Variants in RAD54B observed in about 807,000 individuals in gnomAD.
RAD54B encodes the protein DNA repair and recombination protein RAD54B.
RAD54B carries 78 observed loss-of-function variants against 95.8 expected under a neutral mutation model. That is an observed-to-expected ratio of 0.81 (90% confidence interval 0.68 to 0.98). The LOEUF is 0.98. RAD54B is among the 50% of genes least tolerant of loss of function. RAD54B has a pLI of 0.00. For synonymous variants in RAD54B, 328 were observed against 354.9 expected (o/e 0.92, Z 0.85); for missense variants, 957 against 1,056.6 (o/e 0.91, Z 1.31).
intron 13 of RAD54B, 26 bp downstream of exon 13, chr8:94,378,542 T>C: frequency 6.4e-7 from 1 of 1,559,818 alleles, no homozygotes; most frequent in Non-Finnish European, 8.7e-7. Context: ...AGAGTATACA[T>C]TTTTGTCACA....
chr8:94,432,535 GT>G, intron 3 of RAD54B: 2 of 1,550,540 alleles, frequency 1.3e-6, no homozygotes, highest in East Asian at 4.9e-5. Flanking sequence ...TTTAAAACCA[GT>G]GGAGGAGGTG....
chr8:94,432,983 C>T (rs1033602841), intron 3 of RAD54B, among the ~76,000 whole-genome samples: 1 of 152,094 alleles, frequency 6.6e-6, no homozygotes, highest in Non-Finnish European at 1.5e-5. Flanking sequence ...ATCTTTCCCA[C>T]AACCCTAAGG....
In RAD54B at chr8:94,421,322, C is replaced by CT. The variant is rs1397616265; in HGVS notation, c.305-10008dup. Among the ~76,000 whole-genome samples the CT allele has an allele frequency of 3.3e-5, 5 of 152,262 alleles. No homozygotes were observed. In the East Asian group the frequency reaches 9.7e-4, roughly 29 times the overall value. On this transcript the variant is annotated intron_variant, in intron 3 of 14. Transcript: ENST00000336148. ...CATCCTTCAAATTTTCCTCTTACCT[C>CT]TTTGCTTGCTTCTTCTTAGACATCT...
chr8:94,436,632 GGCATA>G, intron 3 of RAD54B: 1 of 1,550,460 alleles, frequency 6.4e-7, no homozygotes, highest in Non-Finnish European at 8.7e-7. Context: ...GCTCCTGTTT[GGCATA>G]TTCTTTGAGC....
chr8:94,466,420 T>G (rs183420082), intron 2 of RAD54B, among the ~76,000 whole-genome samples: 37,407 of 150,772 alleles, frequency 0.25, 5,385 homozygotes, highest in East Asian at 0.42. Context: ...TTTTTTTTTT[T>G]TGGGGGGGAC....
At chr8:94,421,072 CCA>C (rs779444391) in intron 3 of RAD54B, among the ~76,000 whole-genome samples, 41 of 152,134 alleles carry the variant, frequency 2.7e-4, no homozygotes, top group Non-Finnish European at 5.4e-4. Flanking sequence ...ACTCCCACCC[CCA>C]CACTGCCTCT....
chr8:94,439,248 G>A (rs1812339955), intron 3 of RAD54B, among the ~76,000 whole-genome samples: 1 of 152,088 alleles, frequency 6.6e-6, no homozygotes, highest in Non-Finnish European at 1.5e-5. Flanking sequence ...CTAAAATTGT[G>A]GTAATTTTAT....
At chr8:94,408,745 G>A (rs1185464388) in intron 4 of RAD54B, among the ~76,000 whole-genome samples, 1 of 152,056 alleles carries the variant, frequency 6.6e-6, no homozygotes, top group African/African-American at 2.4e-5. Context: ...ATCAGTATTG[G>A]TCTTCACTTA....
intron 3 of RAD54B, among the ~76,000 whole-genome samples, chr8:94,438,630 G>A (rs548156884): frequency 2.0e-5 from 3 of 152,162 alleles, no homozygotes; most frequent in African/African-American, 2.4e-5. Flanking sequence ...ACAGAACACA[G>A]GGTATATACT....
chr8:94,380,335 G>T lies in RAD54B; in HGVS notation c.2057C>A (p.Ala686Asp). The T allele has an allele frequency of 6.2e-7, 1 of 1,613,966 alleles. No homozygotes were observed. Among genetic ancestry groups the T allele is most frequent in the Non-Finnish European group, 8.5e-7 (1 of 1,179,894 alleles). The change falls in exon 12 of 15, where the codon GCT becomes GAT. Residue 686 changes from alanine to aspartate, a missense_variant. Coordinates refer to ENST00000336148, the MANE Select transcript of RAD54B (RefSeq NM_012415.3). ...LQEVCKRHGY[A>D]YTRLDGQTPI... ...TGTTTGTCCATCAAGTCTTGTATAA[G>T]CATATCCATGACGCTTACATACTTC...
intron 1 of RAD54B, among the ~76,000 whole-genome samples, chr8:94,470,862 TACACCCAC>T (rs1813154321): frequency 6.6e-6 from 1 of 152,090 alleles, no homozygotes; most frequent in Non-Finnish European, 1.5e-5. Flanking sequence ...TAAATTATGG[TACACCCAC>T]ACAACAGAAC....
In RAD54B at chr8:94,473,700, A is replaced by G. The variant is rs1002256056; in HGVS notation, c.-17+1301T>C. On this transcript the variant is annotated intron_variant, in intron 1 of 14. Transcript: ENST00000336148. Reference sequence around the variant, plus strand: ...CTGGGCTTTAAAGAGAGGTATGTGCAACCATCAAACGTCGAGGATGCAAGA... The same window carrying G: ...CTGGGCTTTAAAGAGAGGTATGTGCGACCATCAAACGTCGAGGATGCAAGA... Among the ~76,000 whole-genome samples, 7 of 152,234 alleles carry G rather than the reference A, an allele frequency of 4.6e-5. 1 individual carries two copies. Among genetic ancestry groups the G allele is most frequent in the African/African-American group, 1.7e-4 (7 of 41,458 alleles).
At chr8:94,441,741 G>A (rs1313882908) in intron 3 of RAD54B, among the ~76,000 whole-genome samples, 4 of 152,126 alleles carry the variant, frequency 2.6e-5, no homozygotes, top group Non-Finnish European at 5.9e-5. Flanking sequence ...ACTCTCTAAT[G>A]GTGCCTTGGT....
At chr8:94,465,540 A>G (rs1172222946) in intron 2 of RAD54B, among the ~76,000 whole-genome samples, 3 of 152,240 alleles carry the variant, frequency 2.0e-5, no homozygotes, top group Non-Finnish European at 4.4e-5. Context: ...TGTAGATACT[A>G]CAACCATCAC....
chr8:94,380,517 A>C (rs1332074567), intron 11 of RAD54B, 111 bp from the exon 12 acceptor site: 2 of 1,070,638 alleles, frequency 1.9e-6, no homozygotes, highest in Non-Finnish European at 2.6e-6. Context: ...GAGAACATGC[A>C]ACAATGACCT....
At chr8:94,431,302 G>C in intron 3 of RAD54B, 1 of 977,280 alleles carries the variant, frequency 1.0e-6, no homozygotes, top group Non-Finnish European at 1.2e-6. Context: ...AAATCACACA[G>C]CCAAAATATA....
intron 14 of RAD54B, chr8:94,372,938 A>C (rs1233933144): frequency 6.5e-6 from 1 of 152,756 alleles, no homozygotes; most frequent in Non-Finnish European, 1.5e-5. Context: ...TTCAGAATTG[A>C]AGATAAGGGA....
chr8:94,463,380 G>C (rs2130190500), intron 2 of RAD54B, among the ~76,000 whole-genome samples: 1 of 151,786 alleles, frequency 6.6e-6, no homozygotes, highest in Non-Finnish European at 1.5e-5. Context: ...ACCACAATGA[G>C]GTACTACTTT....
chr8:94,435,303 T>C (rs1812225784), intron 3 of RAD54B, among the ~76,000 whole-genome samples: 1 of 152,118 alleles, frequency 6.6e-6, no homozygotes, highest in East Asian at 1.9e-4. Flanking sequence ...TTTTTTACTG[T>C]GCTATCAAGT....
Sources: allele counts gnomAD v4.1 joint callset (sites outside exome capture counted in the v4.1 genomes callset), GRCh38; gene constraint gnomAD v4.1.1; transcripts MANE v1.5; gene names NCBI Gene and HGNC (gene_info 2026-07-23, HGNC 2026-07-21).